DMD: variants seen among roughly 807,000 people sequenced by gnomAD.
DMD encodes dystrophin, also known as mutant dystrophin.
Under a neutral mutation model 330.1 loss-of-function variants are expected in DMD, and 63 were observed. The observed-to-expected ratio is 0.19, with a 90% CI of 0.16 to 0.24. The LOEUF is 0.24. Ranked by LOEUF, DMD falls within the 10% of genes least tolerant of loss-of-function variation. The pLI is 1.00. For synonymous variants in DMD, 1,223 were observed against 959.8 expected (o/e 1.27, Z -5.07); for missense variants, 3,344 against 2,684.1 (o/e 1.25, Z -5.43).
At chrX:32,113,806 C>A (rs2096598663) in intron 44 of DMD, among the ~76,000 whole-genome samples, 1 of 111,490 alleles carries the variant, frequency 9.0e-6, no homozygotes, top group South Asian at 3.7e-4. Flanking sequence ...GACCTCATGC[C>A]CTCATTCCTA....
At chrX:33,017,645 A>AATGAGATTAT (rs1418760594) in intron 2 of DMD, among the ~76,000 whole-genome samples, 2 of 111,629 alleles carry the variant, frequency 1.8e-5, no homozygotes, top group Non-Finnish European at 3.8e-5. Flanking sequence ...AGTAATAAAC[A>AATGAGATTAT]ATGAGATTAT....
chrX:33,206,973 T>C (rs1009981364), intron 1 of DMD, among the ~76,000 whole-genome samples: 10 of 110,656 alleles, frequency 9.0e-5, no homozygotes, highest in African/African-American at 3.3e-4. Flanking sequence ...CACCCAGGTA[T>C]CAAGCCTAGT....
intron 44 of DMD, among the ~76,000 whole-genome samples, chrX:32,090,748 G>C (rs980294580): frequency 1.8e-5 from 2 of 110,916 alleles, no homozygotes; most frequent in African/African-American, 6.6e-5. Context: ...GTTTGGATAT[G>C]ATTCTGAATT....
intron 77 of DMD, among the ~76,000 whole-genome samples, chrX:31,127,874 T>C (rs1441018289): frequency 8.9e-6 from 1 of 111,851 alleles, no homozygotes; most frequent in Admixed American, 9.5e-5. Context: ...CCTTTCTCCT[T>C]CTCTCCCTTC....
chrX:32,591,398 C>G (rs1170888238), intron 13 of DMD, among the ~76,000 whole-genome samples: 1 of 111,876 alleles, frequency 8.9e-6, no homozygotes, highest in African/African-American at 3.2e-5. Context: ...TTCATTAGAG[C>G]ATCTTCTATA....
At chrX:31,771,423 A>T (rs912924437) in intron 51 of DMD, among the ~76,000 whole-genome samples, 6 of 109,812 alleles carry the variant, frequency 5.5e-5, no homozygotes, top group Non-Finnish European at 9.5e-5. Flanking sequence ...ATACTATTTT[A>T]AAAATATTTT....
At chrX:32,787,571 A>C (rs1399519941) in intron 7 of DMD, among the ~76,000 whole-genome samples, 1 of 111,437 alleles carries the variant, frequency 9.0e-6, no homozygotes, top group Non-Finnish European at 1.9e-5. Flanking sequence ...TCCCATACAT[A>C]TACATACCTA....
At chrX:32,551,102 T>C (rs1242271180) in intron 16 of DMD, among the ~76,000 whole-genome samples, 1 of 110,784 alleles carries the variant, frequency 9.0e-6, no homozygotes, top group African/African-American at 3.3e-5. Flanking sequence ...CTCCCAAAAA[T>C]TGAGGAGCGG....
rs73207783 is a variant in DMD, at chrX:32,581,184, C to T, written c.1603-7338G>A. Among the ~76,000 whole-genome samples, 229 of 112,458 alleles carry T rather than the reference C, an allele frequency of 2.0e-3. 1 individual carries two copies. The highest frequency in any genetic ancestry group is 3.3e-3 in the Non-Finnish European group (174 of 53,305). On this transcript the variant is annotated intron_variant, in intron 13 of 78. Transcript: ENST00000357033. ...AGAAGATAAATATCCCTCTATGTCT[C>T]ATGCCAACTCTTGACATCACAACTT...
intron 13 of DMD, among the ~76,000 whole-genome samples, chrX:32,592,785 G>A (rs1569267881): frequency 8.9e-6 from 1 of 112,204 alleles, no homozygotes; most frequent in Non-Finnish European, 1.9e-5. Flanking sequence ...CAGGGTTGTG[G>A]CATGCTGTAA....
intron 7 of DMD, among the ~76,000 whole-genome samples, chrX:32,719,724 C>CT (rs200261265): frequency 1.4e-3 from 154 of 109,632 alleles, no homozygotes; most frequent in African/African-American, 4.4e-3. Context: ...ATGCCTGATA[C>CT]TTTTTTTTTC....
In DMD at chrX:33,009,215, T is replaced by TATGTGCATATATGTGTATATATACAC. The variant is rs1259756662; in HGVS notation, c.93+10898_93+10923dup. Among the ~76,000 whole-genome samples the TATGTGCATATATGTGTATATATACAC allele has an allele frequency of 6.3e-4, 33 of 52,045 alleles. 12 individuals carry two copies. Among genetic ancestry groups the TATGTGCATATATGTGTATATATACAC allele is most frequent in the Non-Finnish European group, 8.1e-4 (22 of 27,039 alleles). 45.2% of individuals were successfully genotyped at this position (52,045 alleles called of 115,157 possible). A position where few individuals can be genotyped will look rare whatever the true frequency, so the allele number is the denominator to read the frequency against. On this transcript the variant is annotated intron_variant, in intron 2 of 78. Transcript: ENST00000357033. ...ATGTATATATGTGTATATATACACA[T>TATGTGCATATATGTGTATATATACAC]ATGTGCATATATGTGTATATATACA...
At chrX:32,511,078 CCA>C (rs1236674640) in intron 18 of DMD, among the ~76,000 whole-genome samples, 2 of 109,807 alleles carry the variant, frequency 1.8e-5, no homozygotes, top group African/African-American at 6.6e-5. Context: ...TACTCTTCAA[CCA>C]CAGTCTTCAT....
rs780219510 is a variant in DMD at position 32,518,045 on chromosome X, T to G, written c.2255A>C (p.Lys752Thr). The G allele has an allele frequency of 1.7e-6, 2 of 1,208,913 alleles. No homozygotes were observed. The highest frequency in any genetic ancestry group is 5.9e-5 in the East Asian group (2 of 33,739). ...TTTTAAGTCTGAGAAGTTGCCTTCC[T>G]TCCGAAAGATTGCAAATTCAGGACT... ...LQSPEFAIFR[K>T]EGNFSDLKEK... is the part of the protein sequence containing the mutation. The change falls in exon 18 of 79, where the codon AAG becomes ACG. Residue 752 changes from lysine to threonine, a missense_variant. Transcript: ENST00000357033.
chrX:32,360,947 T>A (rs183017400), intron 37 of DMD, among the ~76,000 whole-genome samples: 9 of 111,200 alleles, frequency 8.1e-5, no homozygotes, highest in Non-Finnish European at 1.9e-5. Flanking sequence ...TCATGCAGAA[T>A]GTGAAATGAA....
intron 1 of DMD, among the ~76,000 whole-genome samples, chrX:33,171,216 GC>G (rs1357661063): frequency 9.1e-6 from 1 of 109,816 alleles, no homozygotes; most frequent in Non-Finnish European, 1.9e-5. Context: ...CTCTCTCTCA[GC>G]TGTCTAAATG....
intron 62 of DMD, among the ~76,000 whole-genome samples, chrX:31,298,434 C>T (rs985928745): frequency 9.1e-6 from 1 of 109,620 alleles, no homozygotes; most frequent in Admixed American, 9.8e-5. Context: ...CACACACATA[C>T]ACACACACAC....
chrX:32,598,169 T>A (rs1296657126), intron 12 of DMD, among the ~76,000 whole-genome samples: 1 of 112,330 alleles, frequency 8.9e-6, no homozygotes, highest in Non-Finnish European at 1.9e-5. Flanking sequence ...CTCTCTAGAT[T>A]TTCATACTAC....
At chrX:31,177,383 G>C (rs1234115598) in intron 71 of DMD, among the ~76,000 whole-genome samples, 7 of 111,369 alleles carry the variant, frequency 6.3e-5, no homozygotes, top group Non-Finnish European at 1.1e-4. Flanking sequence ...TGTATATAAT[G>C]ATTAGTCAAA....
Sources: gnomAD v4.1 joint callset for allele counts (sites outside exome capture counted in the v4.1 genomes callset) on GRCh38, gnomAD v4.1.1 for gene constraint, MANE v1.5 for transcripts, NCBI Gene and HGNC (gene_info 2026-07-23, HGNC 2026-07-21) for gene names.